The following BICD1 variants were observed in gnomAD, a reference collection of about 807,000 sequenced individuals.
The protein encoded by BICD1 is BICD cargo adaptor 1.
Under a neutral mutation model 92.5 loss-of-function variants are expected in BICD1, and 35 were observed. That is an observed-to-expected ratio of 0.38 (90% CI 0.29 to 0.50). The LOEUF (loss-of-function observed/expected upper bound fraction) is 0.50. BICD1 is among the 20% of genes least tolerant of loss of function. BICD1 has a pLI of 0.93. For missense variants in BICD1, 950 were observed against 1,189.8 expected (o/e 0.80, Z 2.97); for synonymous variants, 429 against 465.1 (o/e 0.92, Z 1.00).
In BICD1 at chr12:32,327,660, A is replaced by G. The variant is rs758760483; in HGVS notation, c.1205A>G (p.Glu402Gly). The part of the protein sequence containing the change: ...DGEKGRDSGE[E>G]AHDYEVDING... The stretch of plus-strand genomic sequence containing the variant: ...GAGAAGGGCCGGGACTCAGGGGAGG[A>G]GGCCCATGACTATGAGGTGGACATC... The change falls in exon 5 of 10, where the codon GAG becomes GGG. Residue 402 changes from glutamate (E) to glycine (G), a missense_variant. Transcript: ENST00000652176. 8.7e-6 allele frequency: 14 copies of G among 1,613,974 alleles called. No homozygotes were observed. The highest frequency in any genetic ancestry group is 4.5e-5 in the East Asian group (2 of 44,886).
chr12:32,211,531 T>C (rs1476793436), intron 1 of BICD1, among the ~76,000 whole-genome samples: 1 of 152,200 alleles, frequency 6.6e-6, no homozygotes, highest in African/African-American at 2.4e-5. Flanking sequence ...ATTCACTTGC[T>C]CTTAAGACTT....
At position 32,346,521 on chromosome 12, in the gene BICD1, A is replaced by AT. The variant is rs1196760149; in HGVS notation, c.2764+7542_2764+7543insT. 1.5e-3 allele frequency among the ~76,000 whole-genome samples: 151 copies of AT among 102,242 alleles called. 1 individual carries two copies. Among genetic ancestry groups the AT allele is most frequent in the Non-Finnish European group, 2.7e-3 (129 of 47,990 alleles). The allele number at this position is 102,242 out of a possible 152,430, so 67.1% of individuals were successfully genotyped here. A position where few individuals can be genotyped will look rare whatever the true frequency, so the allele number is the denominator to read the frequency against. On this transcript the variant is annotated intron_variant, in intron 8 of 9. Transcript: ENST00000652176. ...GACAGAGTGAGACCCTGTCAAAAAA[A>AT]ATATATATATACGTGTATATATATA...
intron 1 of BICD1, among the ~76,000 whole-genome samples, chr12:32,164,690 C>T (rs992641759): frequency 2.6e-5 from 4 of 152,148 alleles, no homozygotes; most frequent in Admixed American, 1.3e-4. Flanking sequence ...GGGCACATTA[C>T]AGTCTGGATT....
chr12:32,312,588 G>A (rs1948408433), intron 4 of BICD1, among the ~76,000 whole-genome samples: 1 of 152,184 alleles, frequency 6.6e-6, no homozygotes, highest in South Asian at 2.1e-4. Context: ...ATCTAAATTA[G>A]GGAGAGCTTT....
chr12:32,194,374 A>G (rs1944663523), intron 1 of BICD1, among the ~76,000 whole-genome samples: 1 of 152,212 alleles, frequency 6.6e-6, no homozygotes. Context: ...AGAAAAAGAA[A>G]CAAAAGACAT....
intron 1 of BICD1, among the ~76,000 whole-genome samples, chr12:32,135,899 G>A (rs917279583): frequency 1.4e-5 from 2 of 139,458 alleles, no homozygotes; most frequent in African/African-American, 4.9e-5. Context: ...AGGTGGAGAG[G>A]GACAAAGGAG....
In BICD1 at chr12:32,184,299, C is replaced by G. The variant is rs749348977; in HGVS notation, c.214-31948C>G. 7.2e-5 allele frequency among the ~76,000 whole-genome samples: 11 copies of G among 152,188 alleles called. No homozygotes were observed. The Middle Eastern group carries it at 0.017, about 235-fold the overall frequency. On this transcript the variant is annotated intron_variant, in intron 1 of 9. Coordinates refer to ENST00000652176, the MANE Select transcript of BICD1 (RefSeq NM_001714.4). Reference sequence around the variant, plus strand: ...AGGATGTATGGAAAATAATTGTTTTCTTTTTTGAGATGGAATCTTGCTCTG... The same window carrying G: ...AGGATGTATGGAAAATAATTGTTTTGTTTTTTGAGATGGAATCTTGCTCTG...
At chr12:32,340,288 C>G (rs1322290696) in intron 8 of BICD1, 4 of 985,078 alleles carry the variant, frequency 4.1e-6, no homozygotes, top group Middle Eastern at 1.0e-3. Flanking sequence ...GTGTAATAGC[C>G]AAAATATACA....
At chr12:32,263,931 T>C (rs1565628122) in intron 2 of BICD1, among the ~76,000 whole-genome samples, 1 of 152,126 alleles carries the variant, frequency 6.6e-6, no homozygotes, top group Non-Finnish European at 1.5e-5. Flanking sequence ...TAAAAAATTC[T>C]TTAAAATTTT....
chr12:32,116,496 C>CTATATATATA (rs1941911542), intron 1 of BICD1, among the ~76,000 whole-genome samples: 3 of 67,520 alleles, frequency 4.4e-5, no homozygotes, highest in Non-Finnish European at 9.3e-5. Flanking sequence ...CTCTCTTTCT[C>CTATATATATA]TCTCTCTCTC....
At chr12:32,320,641 A>G (rs1014078621) in intron 4 of BICD1, among the ~76,000 whole-genome samples, 7 of 152,076 alleles carry the variant, frequency 4.6e-5, no homozygotes, top group African/African-American at 9.7e-5. Flanking sequence ...ACTCCGTCTC[A>G]AAATAAGTAA....
chr12:32,231,837 G>A (rs1945901238), intron 2 of BICD1, among the ~76,000 whole-genome samples: 1 of 149,420 alleles, frequency 6.7e-6, no homozygotes. Context: ...AATATGCAGT[G>A]TTTGTTTTTT....
At chr12:32,318,769 G>A (rs1207291003) in intron 4 of BICD1, among the ~76,000 whole-genome samples, 6 of 152,192 alleles carry the variant, frequency 3.9e-5, no homozygotes, top group African/African-American at 7.2e-5. Flanking sequence ...CAGGAGAATC[G>A]CTTGATCCTG....
At position 32,338,899 on chromosome 12, in the gene BICD1, T is replaced by C; in HGVS notation, c.2684T>C (p.Leu895Pro). The C allele has an allele frequency of 6.2e-7, 1 of 1,609,736 alleles. No homozygotes were observed. Among genetic ancestry groups the C allele is most frequent in the Non-Finnish European group, 8.5e-7 (1 of 1,178,324 alleles). Residue 895 changes from leucine (L) to proline (P), a missense_variant, in exon 8 of 10, where the codon CTG (leucine) becomes CCG (proline). Physicochemically the swap from Leu to Pro is moderately conservative, Grantham distance 98 (BLOSUM62 -3). Around this residue, in one of 5 missense-constraint regions of BICD1, gnomAD observed 179 missense variants for 186.7 expected, o/e 0.96. Coordinates refer to ENST00000652176, the MANE Select transcript of BICD1 (RefSeq NM_001714.4). ...PDPTSTESFLLKGPPSMSEFI... is the reference protein window; with the variant it reads ...PDPTSTESFLPKGPPSMSEFI... ...CCCACCTCCACAGAATCATTTCTTC[T>C]GAAGGGCCCCCCTTCCATGAGTGAA...
At chr12:32,142,717 A>C (rs1226831561) in intron 1 of BICD1, among the ~76,000 whole-genome samples, 2 of 152,190 alleles carry the variant, frequency 1.3e-5, no homozygotes, top group Non-Finnish European at 2.9e-5. Flanking sequence ...TTATTCTCTC[A>C]TGAAGCACCC....
At chr12:32,286,383 A>AAT (rs1184854750) in intron 2 of BICD1, among the ~76,000 whole-genome samples, 2 of 152,090 alleles carry the variant, frequency 1.3e-5, no homozygotes, top group Non-Finnish European at 2.9e-5. Context: ...AAAATAAGTA[A>AAT]ATATATATAT....
In BICD1 at chr12:32,382,159, G is replaced by A. The variant is rs937959798; in HGVS notation, c.*4532G>A. 1.3e-5 allele frequency: 2 copies of A among 152,028 alleles called. No individual in the cohort carries two copies. The highest frequency in any genetic ancestry group is 4.8e-5 in the African/African-American group (2 of 41,414). The allele number at this position is 152,028 out of a possible 1,614,324, so 9.4% of individuals were successfully genotyped here. On this transcript the variant is annotated 3_prime_UTR_variant, in exon 10 of 10. Transcript: ENST00000652176. ...GAACTTAACTGCCATAGTCCCTAAT[G>A]TATTGCGTTTGTAACCTGATCGTAT...
intron 2 of BICD1, among the ~76,000 whole-genome samples, chr12:32,285,343 T>C (rs1220302141): frequency 6.6e-6 from 1 of 152,148 alleles, no homozygotes; most frequent in Non-Finnish European, 1.5e-5. Flanking sequence ...CATGTAATCT[T>C]AAGTATTAGG....
At chr12:32,212,207 T>TA (rs202161842) in intron 1 of BICD1, among the ~76,000 whole-genome samples, 112 of 151,936 alleles carry the variant, frequency 7.4e-4, no homozygotes, top group African/African-American at 2.7e-3. Context: ...TTTTCAGTGT[T>TA]TTTTTGTTTT....
Sources: allele counts gnomAD v4.1 joint callset (sites outside exome capture counted in the v4.1 genomes callset), GRCh38; gene constraint gnomAD v4.1.1; regional missense constraint gnomAD v4.1.1; transcripts MANE v1.5; gene names NCBI Gene and HGNC (gene_info 2026-07-23, HGNC 2026-07-21).